COL18A1: variants seen among roughly 807,000 people sequenced by gnomAD.
The protein encoded by COL18A1 is collagen type XVIII alpha 1 chain.
COL18A1 carries 133 observed loss-of-function variants against 168.0 expected under a neutral mutation model. The observed-to-expected ratio is 0.79, with a 90% CI of 0.69 to 0.91. The LOEUF (loss-of-function observed/expected upper bound fraction) is 0.91, where lower values mean the gene tolerates loss of function less well. COL18A1 is among the 40% of genes least tolerant of loss of function. The pLI is 0.00. For synonymous variants in COL18A1, 949 were observed against 809.0 expected, an observed-to-expected ratio of 1.17 and a Z score of -2.94; for missense variants, 2,126 against 1,925.4, an observed-to-expected ratio of 1.10 and a Z score of -1.95.
chr21:45,411,337 C>T (rs2033282624), intron 2 of COL18A1, among the ~76,000 whole-genome samples: 2 of 152,130 alleles, frequency 1.3e-5, no homozygotes, highest in African/African-American at 2.4e-5. Flanking sequence ...CCTCAGAGCC[C>T]AGGGCTGTGG....
chr21:45,477,988 G>A (rs1312226661), intron 8 of COL18A1, 23 bp downstream of exon 8: 4 of 1,253,720 alleles, frequency 3.2e-6, no homozygotes, highest in Non-Finnish European at 4.5e-6. Flanking sequence ...GTCCCCCCGA[G>A]TCCGGCCCGG....
intron 36 of COL18A1, 38 bp downstream of exon 36, chr21:45,505,469 G>T: frequency 9.0e-7 from 1 of 1,117,290 alleles, no homozygotes. Flanking sequence ...CCTGCGTCCC[G>T]TGCCCTGGCT....
chr21:45,504,613 C>A, intron 34 of COL18A1, 57 bp downstream of exon 34: 2 of 1,492,814 alleles, frequency 1.3e-6, no homozygotes, highest in South Asian at 2.4e-5. Flanking sequence ...GTGCAGGAGC[C>A]GAGGGCAGGT....
chr21:45,466,577 G>A (rs1282630216), intron 2 of COL18A1, among the ~76,000 whole-genome samples: 1 of 152,222 alleles, frequency 6.6e-6, no homozygotes. Flanking sequence ...TGTACCTCGG[G>A]GAGTGGAGGC....
chr21:45,496,907 G>A, intron 30 of COL18A1, 143 bp from the exon 31 acceptor site: 1 of 709,846 alleles, frequency 1.4e-6, no homozygotes, highest in Non-Finnish European at 2.6e-6. Flanking sequence ...CCGTACCCCT[G>A]TTCCCTCCCG....
At chr21:45,435,417 C>G (rs766299566) in intron 2 of COL18A1, among the ~76,000 whole-genome samples, 22 of 151,714 alleles carry the variant, frequency 1.5e-4, no homozygotes, top group Non-Finnish European at 2.9e-4. Context: ...GGTTCAGAAG[C>G]CCCTTCAGTG....
chr21:45,510,172 T>C lies in COL18A1; in HGVS notation c.3604T>C (p.Phe1202Leu). 1 of 1,595,710 alleles carries C rather than the reference T, an allele frequency of 6.3e-7. No homozygotes were observed. The highest frequency in any genetic ancestry group is 1.7e-4 in the Middle Eastern group (1 of 6,012). The change falls in exon 40 of 42, where the codon TTC becomes CTC. Residue 1202 changes from phenylalanine (F) to leucine (L), a missense_variant. Coordinates refer to ENST00000651438, the MANE Select transcript of COL18A1 (RefSeq NM_001379500.1). ...QARAVGLAGT[F>L]RAFLSSRLQD... ...GCGGGCCGTGGGGCTGGCGGGCACC[T>C]TCCGCGCCTTCCTGTCCTCGCGCCT... is the stretch of plus-strand genomic sequence containing the variant.
intron 2 of COL18A1, among the ~76,000 whole-genome samples, chr21:45,437,307 C>G (rs1385024093): frequency 3.8e-5 from 5 of 131,494 alleles, no homozygotes; most frequent in Non-Finnish European, 7.8e-5. Flanking sequence ...CACACTCACA[C>G]AGGCACTCTC....
intron 2 of COL18A1, among the ~76,000 whole-genome samples, chr21:45,417,697 G>A (rs779678365): frequency 5.9e-5 from 9 of 152,188 alleles, no homozygotes; most frequent in Admixed American, 1.3e-4. Context: ...GACCGCTCTC[G>A]GCCGGGGGAT....
Position 45,502,194 on chromosome 21 carries a change from T to A in COL18A1, c.2684-1817T>A, listed in dbSNP as rs147439950. Among the ~76,000 whole-genome samples the A allele has an allele frequency of 4.6e-5, 7 of 152,308 alleles. No individual in the cohort carries two copies. In the East Asian group the frequency reaches 1.4e-3, roughly 29 times the overall value. ...GACCTCCAACCCCAGGGACGGCTCC[T>A]GTGGGATGGGGGGCCCTGGGGGTGT... On this transcript the variant is annotated intron_variant, in intron 32 of 41. Coordinates refer to ENST00000651438, the MANE Select transcript of COL18A1 (RefSeq NM_001379500.1).
Position 45,476,924 on chromosome 21 carries a change from TGTGTG to T in COL18A1, c.928+445_928+449del, listed in dbSNP as rs1568903217. Among the ~76,000 whole-genome samples, 507 of 86,212 alleles carry T rather than the reference TGTGTG, an allele frequency of 5.9e-3. 9 individuals are homozygous for T. In the East Asian group the frequency reaches 0.09, roughly 15 times the overall value. The allele number at this position is 86,212 out of a possible 152,430, so 56.6% of individuals were successfully genotyped here. Reference sequence around the variant, plus strand: ...TGTGTGATGTGTATTATGTGTTTTGTGTGTGTGTGTGTGTGTGTGTGTGTGTGGCA... The same window carrying T: ...TGTGTGATGTGTATTATGTGTTTTGTTGTGTGTGTGTGTGTGTGTGTGGCA... On this transcript the variant is annotated intron_variant, in intron 6 of 41. Transcript: ENST00000651438.
At position 45,486,913 on chromosome 21, in the gene COL18A1, C is replaced by A; in HGVS notation, c.1754C>A (p.Ala585Glu). The change falls in exon 16 of 42, where the codon GCA becomes GAA. Residue 585 changes from alanine to glutamate, a missense_variant. Physicochemically the swap from Ala to Glu is moderately radical, Grantham distance 107 (BLOSUM62 -1). Coordinates refer to ENST00000651438, the MANE Select transcript of COL18A1 (RefSeq NM_001379500.1). ...GGTGCTCGTGGGGAGAGCGGCCTGG[C>A]AGGAGCCCCCGGACCTGCTGGACCA... is the stretch of plus-strand genomic sequence containing the variant. ...PAGARGESGL[A>E]GAPGPAGPPG... 1 of 1,523,188 alleles carries A rather than the reference C, an allele frequency of 6.6e-7. No homozygotes were observed. The highest frequency in any genetic ancestry group is 8.8e-7 in the Non-Finnish European group (1 of 1,136,172). The allele number at this position is 1,523,188 out of a possible 1,614,324, so 94.4% of individuals were successfully genotyped here. A position where few individuals can be genotyped will look rare whatever the true frequency, so the allele number is the denominator to read the frequency against.
At chr21:45,479,527 A>G (rs1401940244) in intron 9 of COL18A1, among the ~76,000 whole-genome samples, 1 of 151,624 alleles carries the variant, frequency 6.6e-6, no homozygotes. Context: ...TGCACACCAT[A>G]CATGCACACT....
rs879434103 is a variant in COL18A1 at position 45,405,455 on chromosome 21, G to T, written c.88G>T (p.Ala30Ser). 14 of 1,378,940 alleles carry T rather than the reference G, an allele frequency of 1.0e-5. No homozygotes were observed. The highest frequency in any genetic ancestry group is 1.3e-5 in the Non-Finnish European group (14 of 1,058,326). The allele number at this position is 1,378,940 out of a possible 1,614,324, so 85.4% of individuals were successfully genotyped here. The change falls in exon 2 of 42, where the codon GCG (alanine) becomes TCG (serine). Residue 30 changes from alanine (A) to serine (S), a missense_variant. Transcript: ENST00000651438. Reference protein sequence around the residue: ...APLVLLLGVRAASAEPERISE... With the variant: ...APLVLLLGVRSASAEPERISE... ...CCTGGTCCTGCTGCTCGGGGTCCGC[G>T]CGGCCTCCGCGGAGCCAGGTAAGAC...
intron 2 of COL18A1, among the ~76,000 whole-genome samples, chr21:45,434,078 T>C (rs2034035245): frequency 1.3e-5 from 2 of 152,018 alleles, no homozygotes; most frequent in Admixed American, 1.3e-4. Context: ...AGCAGGTGCA[T>C]GGGCCAGGTG....
rs2036393585 is a variant in COL18A1 at position 45,492,683 on chromosome 21, C to T, written c.2188-4C>T. 1.9e-6 allele frequency: 3 copies of T among 1,611,226 alleles called. No individual in the cohort carries two copies. The highest frequency in any genetic ancestry group is 1.3e-5 in the African/African-American group (1 of 74,984). On this transcript the variant is annotated splice_polypyrimidine_tract_variant and splice_region_variant and intron_variant, in intron 23 of 41. Transcript: ENST00000651438. ...CCCAGCTGACGCCGTCCCTCTTTCC[C>T]CAGGGCCGGCCGGGTTTCGCAGGCT... is the stretch of plus-strand genomic sequence containing the variant.
At chr21:45,486,792 T>C in intron 15 of COL18A1, 69 bp from the exon 16 acceptor site, 1 of 1,502,322 alleles carries the variant, frequency 6.7e-7, no homozygotes, top group South Asian at 1.2e-5. Flanking sequence ...AGAAAACGTG[T>C]CTACGCTGGG....
In COL18A1 at chr21:45,422,017, A is replaced by G. The variant is rs1477748123; in HGVS notation, c.106+16544A>G. On this transcript the variant is annotated intron_variant, in intron 2 of 41. Transcript: ENST00000651438. ...CACACGCTCGGGCCGATACGCACAC[A>G]TGGCTGTCACACACACAGGTTCACA... Among the ~76,000 whole-genome samples, 6 of 152,230 alleles carry G rather than the reference A, an allele frequency of 3.9e-5. No individual in the cohort carries two copies. In the East Asian group the frequency reaches 9.6e-4, roughly 24 times the overall value.
intron 34 of COL18A1, 45 bp from the exon 35 acceptor site, chr21:45,505,089 C>T (rs2037111709): frequency 1.3e-6 from 2 of 1,594,646 alleles, no homozygotes; most frequent in Non-Finnish European, 1.7e-6. Flanking sequence ...GCCCCCAGTC[C>T]AGGGCACGAG....
Sources: gnomAD v4.1 joint callset for allele counts (sites outside exome capture counted in the v4.1 genomes callset) on GRCh38, gnomAD v4.1.1 for gene constraint, MANE v1.5 for transcripts, NCBI Gene and HGNC (gene_info 2026-07-23, HGNC 2026-07-21) for gene names.